The following FETUB variants were observed in gnomAD, a reference collection of about 807,000 sequenced individuals.
The protein encoded by FETUB is fetuin-B.
FETUB carries 28 observed loss-of-function variants against 30.9 expected under a neutral mutation model. The observed-to-expected ratio is 0.90, with a 90% CI of 0.67 to 1.24. The LOEUF (loss-of-function observed/expected upper bound fraction) is 1.24. FETUB is among the 50% of genes most tolerant of loss of function. The probability of loss-of-function intolerance (pLI) is 0.00; values close to 1 mark genes in which losing one functional copy is unlikely to be tolerated. For missense variants in FETUB, 469 were observed against 455.3 expected (o/e 1.03, Z -0.27); for synonymous variants, 186 against 175.9 (o/e 1.06, Z -0.45).
chr3:186,643,233 C>T (rs139630167), intron 3 of FETUB, among the ~76,000 whole-genome samples: 1 of 152,226 alleles, frequency 6.6e-6, no homozygotes, highest in Non-Finnish European at 1.5e-5. Context: ...CAGTTCCCAC[C>T]AAGTAGAAGG....
At position 186,640,669 on chromosome 3, in the gene FETUB, C is replaced by T. The variant is rs370379105; in HGVS notation, c.209C>T (p.Ala70Val). Residue 70 changes from alanine (A) to valine (V), a missense_variant, in exon 1 of 7, where the codon GCC becomes GTC. Coordinates refer to ENST00000265029, the MANE Select transcript of FETUB (RefSeq NM_014375.3). ...CTGAGACTCAACCGAGTGAACGACG[C>T]CCAGGAATACAGACGGGCAAGTAGG... ...YVLRLNRVND[A>V]QEYRRGGLGS... 9.3e-6 allele frequency: 15 copies of T among 1,613,582 alleles called. No homozygotes were observed. Among genetic ancestry groups the T allele is most frequent in the East Asian group, 8.9e-5 (4 of 44,876 alleles).
upstream of FETUB, among the ~76,000 whole-genome samples, chr3:186,638,429 C>G (rs759024643): frequency 1.3e-5 from 2 of 152,122 alleles, no homozygotes; most frequent in Non-Finnish European, 2.9e-5. Context: ...AATAAGGAAA[C>G]AAAATGCTGT....
At chr3:186,644,946 T>A (rs1200637081) in intron 4 of FETUB, 26 bp downstream of exon 4, 9 of 1,583,132 alleles carry the variant, frequency 5.7e-6, no homozygotes, top group Admixed American at 5.4e-5. Context: ...CCCAAGCCAG[T>A]TACACAGTGT....
chr3:186,642,609 A>T (rs373677051), intron 3 of FETUB, 51 bp downstream of exon 3: 6 of 1,115,704 alleles, frequency 5.4e-6, no homozygotes, highest in African/African-American at 1.5e-5. Flanking sequence ...GGAAAAGAGT[A>T]CTTAACCAGG....
At chr3:186,645,818 C>T (rs1416089928) in intron 4 of FETUB, among the ~76,000 whole-genome samples, 2 of 150,036 alleles carry the variant, frequency 1.3e-5, no homozygotes, top group South Asian at 2.1e-4. Context: ...CCTCCAACTC[C>T]CTGGTTCAAG....
At chr3:186,649,524 C>T (rs1717820804) in intron 5 of FETUB, among the ~76,000 whole-genome samples, 1 of 151,952 alleles carries the variant, frequency 6.6e-6, no homozygotes, top group Admixed American at 6.6e-5. Flanking sequence ...GGCTGGAGTA[C>T]AGTGGCGCAA....
At position 186,642,463 on chromosome 3, in the gene FETUB, G is replaced by T; in HGVS notation, c.337-8G>T. ...CGCTATGTCATAAAATGCATTTGTTGGTTTCAGGTTTATGGTCAATGCAAA... is the reference window on the plus strand; with the variant it reads ...CGCTATGTCATAAAATGCATTTGTTTGTTTCAGGTTTATGGTCAATGCAAA... On this transcript the variant is annotated splice_region_variant and splice_polypyrimidine_tract_variant and intron_variant, in intron 2 of 6. Coordinates refer to ENST00000265029, the MANE Select transcript of FETUB (RefSeq NM_014375.3). 1 of 1,538,622 alleles carries T rather than the reference G, an allele frequency of 6.5e-7. No homozygotes were observed. The highest frequency in any genetic ancestry group is 2.3e-5 in the East Asian group (1 of 44,206).
upstream of FETUB, among the ~76,000 whole-genome samples, chr3:186,639,914 T>C (rs191806353): frequency 2.0e-5 from 3 of 152,330 alleles, no homozygotes; most frequent in African/African-American, 4.8e-5. Flanking sequence ...TCCACCCAGA[T>C]GGCCAAAGTG....
At position 186,644,904 on chromosome 3, in the gene FETUB, C is replaced by T; in HGVS notation, c.578C>T (p.Thr193Ile). The change falls in exon 4 of 7, where the codon ACC (threonine) becomes ATC (isoleucine). Residue 193 changes from threonine (T) to isoleucine (I), a missense_variant. By Grantham distance (89) the Thr-to-Ile change is moderately conservative. Transcript: ENST00000265029. ...TSKQYSLFKVTRASSQWVVGP... is the reference protein window; with the variant it reads ...TSKQYSLFKVIRASSQWVVGP... ...AAGCAGTATTCTCTCTTCAAAGTCA[C>T]CAGGGCTTCTAGCCAGGTAAGGCTA... The T allele has an allele frequency of 6.2e-7, 1 of 1,612,638 alleles. No individual in the cohort carries two copies.
At chr3:186,651,699 T>G (rs1718053883) in intron 6 of FETUB, 1 of 205,016 alleles carries the variant, frequency 4.9e-6, no homozygotes, top group Admixed American at 5.4e-5. Flanking sequence ...TGAGAGGCAG[T>G]TTATATTTGA....
intron 3 of FETUB, 113 bp downstream of exon 3, chr3:186,642,671 T>C: frequency 2.8e-6 from 2 of 706,204 alleles, no homozygotes; most frequent in Non-Finnish European, 5.0e-6. Flanking sequence ...CTGTTTATTC[T>C]TAATGCCAGT....
At chr3:186,639,949 T>C (rs2108512785), upstream of FETUB, among the ~76,000 whole-genome samples, 1 of 152,360 alleles carries the variant, frequency 6.6e-6, no homozygotes, top group East Asian at 1.9e-4. Context: ...ACTGTGCTTC[T>C]GGCAGATGAC....
chr3:186,640,131 T>C (rs182949242), upstream of FETUB, among the ~76,000 whole-genome samples: 3 of 152,324 alleles, frequency 2.0e-5, no homozygotes, highest in East Asian at 3.9e-4. Flanking sequence ...CAGTCCTCCA[T>C]ATTCCTATTC....
At position 186,640,623 on chromosome 3, in the gene FETUB, G is replaced by C. The variant is rs1716960721; in HGVS notation, c.163G>C (p.Asp55His). ...AGFALRDINK[D>H]RKDGYVLRLN... Reference sequence around the variant, plus strand: ...CTTTGCCCTGCGGGATATTAACAAAGACAGAAAGGATGGCTATGTGCTGAG... The same window carrying C: ...CTTTGCCCTGCGGGATATTAACAAACACAGAAAGGATGGCTATGTGCTGAG... Residue 55 changes from aspartate (D) to histidine (H), a missense_variant, in exon 1 of 7, where the codon GAC (aspartate) becomes CAC (histidine). Transcript: ENST00000265029. The C allele has an allele frequency of 4.3e-6, 7 of 1,614,200 alleles. No individual in the cohort carries two copies. The highest frequency in any genetic ancestry group is 5.9e-6 in the Non-Finnish European group (7 of 1,180,028).
upstream of FETUB, among the ~76,000 whole-genome samples, chr3:186,639,631 C>T (rs1716890476): frequency 6.9e-6 from 1 of 144,630 alleles, no homozygotes; most frequent in Non-Finnish European, 1.5e-5. Context: ...ATAAGTAGAA[C>T]CTTTCTGAAT....
chr3:186,646,423 C>G lies in FETUB; in HGVS notation c.696+74C>G, dbSNP rs962536655. The G allele has an allele frequency of 2.7e-6, 3 of 1,112,858 alleles. No homozygotes were observed. The Admixed American group carries it at 5.2e-5, about 19-fold the overall frequency. The allele number at this position is 1,112,858 out of a possible 1,614,324, so 68.9% of individuals were successfully genotyped here. A position where few individuals can be genotyped will look rare whatever the true frequency, so the allele number is the denominator to read the frequency against. ...CTAAGTGTTTGTGGAGCATAAATTA[C>G]ATATGAGGTGTCATAAGGCATGAGA... On this transcript the variant is annotated intron_variant, in intron 5 of 6. Transcript: ENST00000265029.
chr3:186,638,657 T>C (rs1055689077), upstream of FETUB, among the ~76,000 whole-genome samples: 4 of 152,188 alleles, frequency 2.6e-5, no homozygotes, highest in African/African-American at 9.7e-5. Context: ...TTATTGGATC[T>C]TTTTATCTGT....
intron 2 of FETUB, chr3:186,642,252 T>A (rs541096296): frequency 9.7e-6 from 5 of 516,836 alleles, no homozygotes; most frequent in South Asian, 9.0e-5. Context: ...TTATACACAG[T>A]CACACGTGTT....
upstream of FETUB, among the ~76,000 whole-genome samples, chr3:186,637,787 G>A (rs1020181819): frequency 2.0e-5 from 3 of 152,242 alleles, no homozygotes; most frequent in Non-Finnish European, 4.4e-5. Flanking sequence ...TGGACGTCCT[G>A]TGCACCAGGG....
Sources: gnomAD v4.1 joint callset for allele counts (sites outside exome capture counted in the v4.1 genomes callset) on GRCh38, gnomAD v4.1.1 for gene constraint, MANE v1.5 for transcripts, NCBI Gene and HGNC (gene_info 2026-07-23, HGNC 2026-07-21) for gene names.